Variants in RNF125 observed in about 807,000 individuals in gnomAD.
The protein encoded by RNF125 is E3 ubiquitin-protein ligase RNF125.
In RNF125, 21 loss-of-function variants were observed where a neutral mutation model predicts 26.0. The ratio of observed to expected loss-of-function variants is 0.81; its 90% CI spans 0.57 to 1.16. The LOEUF (loss-of-function observed/expected upper bound fraction) is 1.16. Among genes scored for constraint, RNF125 ranks in the 50% most tolerant of loss-of-function variants. RNF125 has a pLI of 0.00. For missense variants in RNF125, 270 were observed against 299.4 expected, an observed-to-expected ratio of 0.90 and a Z score of 0.72; for synonymous variants, 95 against 109.2, an observed-to-expected ratio of 0.87 and a Z score of 0.81.
chr18:32,040,448 C>T (rs900453917), intron 2 of RNF125, among the ~76,000 whole-genome samples: 15 of 151,478 alleles, frequency 9.9e-5, no homozygotes, highest in African/African-American at 3.2e-4. Flanking sequence ...ATTTTTGTAT[C>T]TTTAGTAGAG....
chr18:32,087,046 A>T, the RNF125 span, among the ~76,000 whole-genome samples: 2 of 152,092 alleles, frequency 1.3e-5, no homozygotes, highest in Non-Finnish European at 2.9e-5. Flanking sequence ...ATACACACTC[A>T]TGCTTAAACC....
intron 3 of RNF125, among the ~76,000 whole-genome samples, chr18:32,044,251 C>T (rs895980691): frequency 3.3e-5 from 5 of 152,098 alleles, no homozygotes; most frequent in Non-Finnish European, 7.4e-5. Context: ...GTGATCCACC[C>T]GTCTCGGCCT....
intron 5 of RNF125, chr18:32,066,219 G>T (rs765695939): frequency 9.0e-6 from 3 of 332,804 alleles, no homozygotes; most frequent in African/African-American, 6.3e-5. Context: ...GGAGGCCGAG[G>T]TGGGCGAATC....
At chr18:32,089,475 G>A in the RNF125 span, among the ~76,000 whole-genome samples, 1 of 152,138 alleles carries the variant, frequency 6.6e-6, no homozygotes, top group African/African-American at 2.4e-5. Context: ...TACATCTAGG[G>A]TTTTCCCTTC....
chr18:32,025,374 C>G (rs758859413), intron 1 of RNF125, among the ~76,000 whole-genome samples: 65 of 151,978 alleles, frequency 4.3e-4, no homozygotes, highest in Non-Finnish European at 6.3e-4. Context: ...AGACAGAGGA[C>G]CCCCAATGGC....
At chr18:32,036,971 C>T in intron 1 of RNF125, 145 bp from the exon 2 acceptor site, 1 of 649,042 alleles carries the variant, frequency 1.5e-6, no homozygotes, top group Non-Finnish European at 2.7e-6. Flanking sequence ...TCGGGAAGTG[C>T]AGGGTGCAAG....
At chr18:32,079,592 G>T in the RNF125 span, among the ~76,000 whole-genome samples, 1 of 152,212 alleles carries the variant, frequency 6.6e-6, no homozygotes, top group Non-Finnish European at 1.5e-5. Flanking sequence ...ACAGTGTCAT[G>T]CATCTCTGTA....
In RNF125 at chr18:32,069,446, C is replaced by A. The variant is rs953487118; in HGVS notation, c.*1062C>A. On this transcript the variant is annotated 3_prime_UTR_variant, in exon 6 of 6. Coordinates refer to ENST00000217740, the MANE Select transcript of RNF125 (RefSeq NM_017831.4). ...CACATCCAGACTTTTTAGTAGAAAA[C>A]CCTAAGGGCTTTGATATCTTTTTTG... is the stretch of plus-strand genomic sequence containing the variant. 1 of 151,914 alleles carries A rather than the reference C, an allele frequency of 6.6e-6. No homozygotes were observed. The highest frequency in any genetic ancestry group is 1.5e-5 in the Non-Finnish European group (1 of 67,998). 9.4% of individuals were successfully genotyped at this position (151,914 alleles called of 1,614,324 possible). A position where few individuals can be genotyped will look rare whatever the true frequency, so the allele number is the denominator to read the frequency against.
At chr18:32,047,420 A>G (rs932621037) in intron 4 of RNF125, among the ~76,000 whole-genome samples, 2 of 152,186 alleles carry the variant, frequency 1.3e-5, no homozygotes, top group African/African-American at 2.4e-5. Context: ...TTCTAAGAGG[A>G]AATTCCTTAC....
the RNF125 span, among the ~76,000 whole-genome samples, chr18:32,080,114 C>T: frequency 1.2e-4 from 19 of 152,252 alleles, no homozygotes; most frequent in African/African-American, 4.1e-4. Flanking sequence ...CTACAACCTC[C>T]GCCTCCTGGG....
At chr18:32,042,670 C>A (rs907927725) in intron 3 of RNF125, among the ~76,000 whole-genome samples, 23 of 151,866 alleles carry the variant, frequency 1.5e-4, no homozygotes, top group African/African-American at 5.1e-4. Context: ...CATTCCTTAT[C>A]ATTTTGCTTG....
At chr18:32,088,834 G>A in the RNF125 span, among the ~76,000 whole-genome samples, 2 of 152,116 alleles carry the variant, frequency 1.3e-5, no homozygotes, top group Non-Finnish European at 2.9e-5. Flanking sequence ...CAATCAGCAA[G>A]AAGTGGCAAG....
At chr18:32,065,789 C>T (rs2039479206) in intron 4 of RNF125, 113 bp from the exon 5 acceptor site, 1 of 714,966 alleles carries the variant, frequency 1.4e-6, no homozygotes. Context: ...CCTCTGCCTC[C>T]CAAAGTACTG....
intron 4 of RNF125, among the ~76,000 whole-genome samples, chr18:32,046,236 A>AAAAG (rs1555692989): frequency 2.6e-4 from 30 of 116,382 alleles, no homozygotes; most frequent in Non-Finnish European, 3.6e-4. Context: ...AAAAAAAAAA[A>AAAAG]AGAGAAAGAG....
At chr18:32,039,969 T>G (rs9956739) in intron 2 of RNF125, among the ~76,000 whole-genome samples, 8,952 of 151,688 alleles carry the variant, frequency 0.059, 896 homozygotes, top group African/African-American at 0.2. Flanking sequence ...AGTAGAGACG[T>G]GGTTTCACCA....
intron 5 of RNF125, 82 bp downstream of exon 5, chr18:32,066,091 A>T (rs945233768): frequency 1.2e-4 from 108 of 869,948 alleles, no homozygotes; most frequent in Non-Finnish European, 4.7e-5. Context: ...GAATAAAATT[A>T]TAGAGGAAAA....
At position 32,048,394 on chromosome 18, in the gene RNF125, C is replaced by A. The variant is rs540482421; in HGVS notation, c.504+2662C>A. On this transcript the variant is annotated intron_variant, in intron 4 of 5. Coordinates refer to ENST00000217740, the MANE Select transcript of RNF125 (RefSeq NM_017831.4). ...TGAGCTGAGATCACGCCATTGCACT[C>A]CAGCATGGGCAACAAAAGCGAAACT... 4.1e-3 allele frequency among the ~76,000 whole-genome samples: 616 copies of A among 151,640 alleles called. 6 individuals carry two copies. The highest frequency in any genetic ancestry group is 0.014 in the African/African-American group (599 of 41,324).
intron 1 of RNF125, among the ~76,000 whole-genome samples, chr18:32,023,265 G>A (rs748822111): frequency 2.0e-5 from 3 of 152,146 alleles, no homozygotes; most frequent in Non-Finnish European, 4.4e-5. Flanking sequence ...TGACTGTCCC[G>A]CCTCAGCCAC....
intron 4 of RNF125, among the ~76,000 whole-genome samples, chr18:32,047,146 C>G (rs1314280687): frequency 6.6e-6 from 1 of 152,214 alleles, no homozygotes; most frequent in Non-Finnish European, 1.5e-5. Flanking sequence ...AAGCCATTCC[C>G]CTGCCTCAGC....
Sources: gnomAD v4.1 joint callset for allele counts (sites outside exome capture counted in the v4.1 genomes callset) on GRCh38, gnomAD v4.1.1 for gene constraint, MANE v1.5 for transcripts, NCBI Gene and HGNC (gene_info 2026-07-23, HGNC 2026-07-21) for gene names.